SPOCK3: variants seen among roughly 807,000 people sequenced by gnomAD.
The protein encoded by SPOCK3 is SPARC (osteonectin), cwcv and kazal like domains proteoglycan 3, also known as testican-3.
In SPOCK3, 30 loss-of-function variants were observed where a neutral mutation model predicts 56.6. That is an observed-to-expected ratio of 0.53 (90% confidence interval 0.40 to 0.72). The LOEUF is 0.72. Ranked by LOEUF, SPOCK3 falls within the 30% of genes least tolerant of loss-of-function variation. The pLI is 0.00. For synonymous variants in SPOCK3, 196 were observed against 183.3 expected, an observed-to-expected ratio of 1.07 and a Z score of -0.56; for missense variants, 527 against 530.0, an observed-to-expected ratio of 0.99 and a Z score of 0.06.
At chr4:166,774,569 A>G (rs746274562) in intron 7 of SPOCK3, among the ~76,000 whole-genome samples, 6 of 152,132 alleles carry the variant, frequency 3.9e-5, no homozygotes, top group Non-Finnish European at 5.9e-5. Flanking sequence ...TTCAAATCTG[A>G]TCCACAGTAA....
chr4:166,861,806 A>C (rs1204027617), intron 6 of SPOCK3, among the ~76,000 whole-genome samples: 1 of 152,094 alleles, frequency 6.6e-6, no homozygotes, highest in Non-Finnish European at 1.5e-5. Context: ...GTCCCTACAA[A>C]GTAGAGTTTT....
intron 2 of SPOCK3, among the ~76,000 whole-genome samples, chr4:167,193,637 A>T (rs1732669419): frequency 6.9e-6 from 1 of 145,840 alleles, no homozygotes; most frequent in Non-Finnish European, 1.5e-5. Context: ...CAGTTTTACC[A>T]TATATAGTAT....
chr4:167,000,385 G>A lies in SPOCK3; in HGVS notation c.314C>T (p.Thr105Ile). ...HKVCIAQDSQ[T>I]AVCISHRRLT... ...CCTCCGGTGACTAATGCAGACTGCA[G>A]TCTGAGAATCTTGAGCAATGCATAC... The change falls in exon 4 of 11, where the codon ACT becomes ATT. Residue 105 changes from threonine (T) to isoleucine (I), a missense_variant. Thr to Ile is a moderately conservative substitution (Grantham distance 89, BLOSUM62 -1). Transcript: ENST00000357545. 6.2e-7 allele frequency: 1 copy of A among 1,604,838 alleles called. No individual in the cohort carries two copies. The highest frequency in any genetic ancestry group is 8.5e-7 in the Non-Finnish European group (1 of 1,174,202).
chr4:166,939,154 C>T (rs530611099), intron 4 of SPOCK3, among the ~76,000 whole-genome samples: 1 of 152,132 alleles, frequency 6.6e-6, no homozygotes, highest in South Asian at 2.1e-4. Context: ...AAGTGACCCT[C>T]AGAAAGAAAG....
intron 4 of SPOCK3, among the ~76,000 whole-genome samples, chr4:166,915,695 G>C (rs1163189286): frequency 1.3e-5 from 2 of 152,118 alleles, no homozygotes; most frequent in African/African-American, 2.4e-5. Context: ...CAGGCTATGA[G>C]AATGGTTGCC....
chr4:167,043,190 T>C (rs1452969633), intron 3 of SPOCK3, among the ~76,000 whole-genome samples: 1 of 152,052 alleles, frequency 6.6e-6, no homozygotes, highest in Non-Finnish European at 1.5e-5. Flanking sequence ...AGAAAGCTTG[T>C]TTATATTTGG....
intron 6 of SPOCK3, among the ~76,000 whole-genome samples, chr4:166,810,791 T>G (rs1157195946): frequency 6.6e-6 from 1 of 151,972 alleles, no homozygotes; most frequent in Non-Finnish European, 1.5e-5. Flanking sequence ...CCAAATAACA[T>G]TGAGCATATA....
intron 9 of SPOCK3, among the ~76,000 whole-genome samples, chr4:166,739,231 C>CATTT (rs1236343103): frequency 5.7e-4 from 86 of 152,016 alleles, no homozygotes; most frequent in African/African-American, 9.4e-4. Context: ...TGATGGTGAG[C>CATTT]ATTTATTTAT....
At chr4:167,154,279 C>T (rs574335578) in intron 2 of SPOCK3, among the ~76,000 whole-genome samples, 1 of 151,946 alleles carries the variant, frequency 6.6e-6, no homozygotes, top group Admixed American at 6.6e-5. Flanking sequence ...GATTATATTC[C>T]CTCCAGCCTC....
At chr4:167,063,360 T>C (rs970757896) in intron 2 of SPOCK3, among the ~76,000 whole-genome samples, 1 of 151,860 alleles carries the variant, frequency 6.6e-6, no homozygotes, top group African/African-American at 2.4e-5. Context: ...ATTAAAAAGA[T>C]ATCACTGTTG....
chr4:167,132,236 C>T (rs138383303), intron 2 of SPOCK3, among the ~76,000 whole-genome samples: 296 of 152,260 alleles, frequency 1.9e-3, no homozygotes, highest in African/African-American at 6.8e-3. Flanking sequence ...ATTTACTTTG[C>T]TTAAATCATC....
intron 4 of SPOCK3, among the ~76,000 whole-genome samples, chr4:166,937,587 T>G (rs1740565495): frequency 6.7e-6 from 1 of 148,788 alleles, no homozygotes; most frequent in East Asian, 1.9e-4. Flanking sequence ...AAAACCATTT[T>G]CAGTAATTGT....
At chr4:167,106,827 T>C (rs1214644694) in intron 2 of SPOCK3, among the ~76,000 whole-genome samples, 1 of 149,006 alleles carries the variant, frequency 6.7e-6, no homozygotes, top group East Asian at 2.0e-4. Context: ...GCCATTACAA[T>C]TGATACCACA....
intron 2 of SPOCK3, among the ~76,000 whole-genome samples, chr4:167,107,762 T>A (rs1372369161): frequency 6.6e-6 from 1 of 151,844 alleles, no homozygotes; most frequent in African/African-American, 2.4e-5. Flanking sequence ...GGATACAAAA[T>A]CAACATACAA....
chr4:166,877,488 A>G (rs946890061), intron 6 of SPOCK3, among the ~76,000 whole-genome samples: 6 of 152,200 alleles, frequency 3.9e-5, no homozygotes, highest in African/African-American at 1.2e-4. Context: ...AAATAAATAT[A>G]AACGTATTAT....
intron 2 of SPOCK3, among the ~76,000 whole-genome samples, chr4:167,214,542 C>A (rs1735180202): frequency 1.3e-5 from 2 of 152,036 alleles, no homozygotes; most frequent in Non-Finnish European, 2.9e-5. Flanking sequence ...CAATAACAAT[C>A]ATTTGGTTTT....
intron 2 of SPOCK3, among the ~76,000 whole-genome samples, chr4:167,150,429 C>G (rs1764319314): frequency 6.6e-6 from 1 of 151,768 alleles, no homozygotes; most frequent in African/African-American, 2.4e-5. Context: ...ATCTTACGTA[C>G]AACCAGGAAA....
chr4:166,949,398 T>A (rs1561044114), intron 4 of SPOCK3, among the ~76,000 whole-genome samples: 1 of 152,216 alleles, frequency 6.6e-6, no homozygotes, highest in Non-Finnish European at 1.5e-5. Flanking sequence ...TGCGTTCCTT[T>A]GGAGGAGGAG....
At chr4:166,920,705 A>C (rs1486392799) in intron 4 of SPOCK3, among the ~76,000 whole-genome samples, 1 of 152,216 alleles carries the variant, frequency 6.6e-6, no homozygotes, top group Non-Finnish European at 1.5e-5. Flanking sequence ...ATTTTACCAA[A>C]AGAAAATGCC....
Sources: gnomAD v4.1 joint callset for allele counts (sites outside exome capture counted in the v4.1 genomes callset) on GRCh38, gnomAD v4.1.1 for gene constraint, MANE v1.5 for transcripts, NCBI Gene and HGNC (gene_info 2026-07-23, HGNC 2026-07-21) for gene names.